Variants in RAVER2 observed in about 807,000 individuals in gnomAD.
The protein encoded by RAVER2 is ribonucleoprotein, PTB binding 2, also known as ribonucleoprotein PTB-binding 2.
Under a neutral mutation model 78.1 loss-of-function variants are expected in RAVER2, and 46 were observed. That is an observed-to-expected ratio of 0.59 (90% CI 0.46 to 0.75). The LOEUF (loss-of-function observed/expected upper bound fraction) is 0.75, where lower values mean the gene tolerates loss of function less well. Ranked by LOEUF, RAVER2 falls within the 30% of genes least tolerant of loss-of-function variation. The probability of loss-of-function intolerance (pLI) is 0.00; values close to 1 mark genes in which losing one functional copy is unlikely to be tolerated. For missense variants in RAVER2, 793 were observed against 837.5 expected (o/e 0.95, Z 0.66); for synonymous variants, 311 against 313.3 (o/e 0.99, Z 0.08).
chr1:64,749,582 T>C (rs1651640504), intron 1 of RAVER2, among the ~76,000 whole-genome samples: 1 of 152,246 alleles, frequency 6.6e-6, no homozygotes, highest in Non-Finnish European at 1.5e-5. Flanking sequence ...CCACTGTGAA[T>C]TGAATATTTA....
chr1:64,796,312 C>A (rs1043468219), intron 5 of RAVER2, among the ~76,000 whole-genome samples: 3 of 151,682 alleles, frequency 2.0e-5, no homozygotes, highest in African/African-American at 7.3e-5. Context: ...GAAAATATTC[C>A]CTCTCTTCAG....
intron 1 of RAVER2, among the ~76,000 whole-genome samples, chr1:64,755,733 T>G (rs949148528): frequency 1.4e-5 from 2 of 141,916 alleles, no homozygotes; most frequent in African/African-American, 2.6e-5. Context: ...AGTTTTTTTT[T>G]TTTTTTTTTT....
rs906189684 is a variant in RAVER2, at chr1:64,828,689, TAAA to T, written c.1930-2147_1930-2145del. 2.2e-4 allele frequency among the ~76,000 whole-genome samples: 34 copies of T among 152,170 alleles called. 1 individual carries two copies. Among genetic ancestry groups the T allele is most frequent in the African/African-American group, 7.9e-4 (33 of 41,540 alleles). On this transcript the variant is annotated intron_variant, in intron 11 of 11. Coordinates refer to ENST00000294428, the Ensembl canonical transcript of RAVER2. Reference sequence around the variant, plus strand: ...TTAAGGTTTAAATTTTTAATTGTGATAAAAACATAAAATTACTATTAAATATTT... The same window carrying T: ...TTAAGGTTTAAATTTTTAATTGTGATAACATAAAATTACTATTAAATATTT...
At chr1:64,766,989 T>C (rs1652191217) in intron 1 of RAVER2, among the ~76,000 whole-genome samples, 1 of 152,162 alleles carries the variant, frequency 6.6e-6, no homozygotes, top group South Asian at 2.1e-4. Context: ...CATAGTACCA[T>C]ATGATTCACC....
intron 4 of RAVER2, among the ~76,000 whole-genome samples, chr1:64,782,717 T>A (rs1049104836): frequency 6.6e-6 from 1 of 152,186 alleles, no homozygotes; most frequent in African/African-American, 2.4e-5. Flanking sequence ...AGTGGTCTGG[T>A]TGCAGAGTGA....
chr1:64,765,410 T>C (rs968042107), intron 1 of RAVER2, among the ~76,000 whole-genome samples: 1 of 152,180 alleles, frequency 6.6e-6, no homozygotes, highest in Non-Finnish European at 1.5e-5. Flanking sequence ...AGTCACAGAA[T>C]GGCATAGCAA....
intron 11 of RAVER2, among the ~76,000 whole-genome samples, chr1:64,825,232 AAATT>A (rs1444533105): frequency 1.3e-5 from 2 of 152,214 alleles, no homozygotes; most frequent in African/African-American, 4.8e-5. Context: ...AATAATGATA[AAATT>A]AATTCATGTT....
At chr1:64,774,526 T>C (rs1268943737) in intron 2 of RAVER2, among the ~76,000 whole-genome samples, 2 of 152,196 alleles carry the variant, frequency 1.3e-5, no homozygotes, top group Non-Finnish European at 2.9e-5. Flanking sequence ...TTCTGTTCCA[T>C]TGGTCTGTGT....
chr1:64,774,244 T>C (rs1286137413), intron 2 of RAVER2, among the ~76,000 whole-genome samples: 1 of 152,222 alleles, frequency 6.6e-6, no homozygotes, highest in Non-Finnish European at 1.5e-5. Flanking sequence ...AGTCATGAAG[T>C]CTTTGCCCAT....
chr1:64,745,438 A>C lies in RAVER2; in HGVS notation c.249+17A>C. ...AACTGCCAGGTACTGGGACGGTGAT[A>C]GGGGCGACGCGTCCCGAGGGGCGGC... On this transcript the variant is annotated intron_variant, in intron 1 of 11. Coordinates refer to ENST00000294428, the Ensembl canonical transcript of RAVER2. This position sits in a 1 kb window ranked among gnomAD's most constrained non-coding sequence, Gnocchi z 4.3. The C allele has an allele frequency of 6.6e-7, 1 of 1,510,032 alleles. No homozygotes were observed. The highest frequency in any genetic ancestry group is 2.3e-4 in the Middle Eastern group (1 of 4,430). The allele number at this position is 1,510,032 out of a possible 1,614,324, so 93.5% of individuals were successfully genotyped here. A position where few individuals can be genotyped will look rare whatever the true frequency, so the allele number is the denominator to read the frequency against.
At position 64,797,853 on chromosome 1, in the gene RAVER2, A is replaced by G. The variant is rs139638919; in HGVS notation, c.1106-5123A>G. On this transcript the variant is annotated intron_variant, in intron 5 of 11. Coordinates refer to ENST00000294428, the Ensembl canonical transcript of RAVER2. ...TATTATCTTGGAAAATCCTTTTCTG[A>G]TATTTGCAGTATTACTACTGGCTAC... Among the ~76,000 whole-genome samples, 63 of 150,298 alleles carry G rather than the reference A, an allele frequency of 4.2e-4. 1 individual carries two copies. In the East Asian group the frequency reaches 0.012, roughly 29 times the overall value.
intron 1 of RAVER2, among the ~76,000 whole-genome samples, chr1:64,759,004 A>G (rs6661723): frequency 0.12 from 18,706 of 151,416 alleles, 1,349 homozygotes; most frequent in East Asian, 0.28. Context: ...CTATCTCTTG[A>G]AGATTAAAGC....
intron 9 of RAVER2, among the ~76,000 whole-genome samples, chr1:64,810,151 A>C (rs1653564805): frequency 6.6e-6 from 1 of 152,210 alleles, no homozygotes; most frequent in African/African-American, 2.4e-5. Context: ...TGGAACTGTC[A>C]TCCTTTTTTC....
chr1:64,775,155 G>A (rs954699890), intron 2 of RAVER2, among the ~76,000 whole-genome samples: 2 of 152,124 alleles, frequency 1.3e-5, no homozygotes, highest in Admixed American at 6.5e-5. Flanking sequence ...TTTCCTAATC[G>A]TTTTGTTTTT....
chr1:64,777,737 T>G (rs761687344), exon 3 of RAVER2: 5 of 1,614,022 alleles, frequency 3.1e-6, no homozygotes, highest in Non-Finnish European at 4.2e-6. Flanking sequence ...GATGCTTTGT[T>G]GTGTATTACC....
At chr1:64,752,042 A>AT (rs1379386785) in intron 1 of RAVER2, among the ~76,000 whole-genome samples, 1 of 152,120 alleles carries the variant, frequency 6.6e-6, no homozygotes, top group Non-Finnish European at 1.5e-5. Context: ...AGTACTGTAT[A>AT]TTTTTTGGCT....
chr1:64,778,037 A>C (rs1308048559), exon 3 of RAVER2: 1 of 1,614,006 alleles, frequency 6.2e-7, no homozygotes, highest in African/African-American at 1.3e-5. Flanking sequence ...GACTACAGGG[A>C]TTCAGAAGAG....
exon 7 of RAVER2, chr1:64,804,823 T>C (rs1653367111): frequency 2.6e-6 from 4 of 1,549,458 alleles, no homozygotes; most frequent in Non-Finnish European, 3.6e-6. Flanking sequence ...AGTTTGAGAA[T>C]ATTCATACTA....
At chr1:64,752,438 T>A (rs1345622534) in intron 1 of RAVER2, among the ~76,000 whole-genome samples, 1 of 152,202 alleles carries the variant, frequency 6.6e-6, no homozygotes, top group Non-Finnish European at 1.5e-5. Flanking sequence ...AGCCTAGGAT[T>A]TCTTCAAATC....
Sources: allele counts gnomAD v4.1 joint callset (sites outside exome capture counted in the v4.1 genomes callset), GRCh38; gene constraint gnomAD v4.1.1; non-coding constraint Gnocchi (gnomAD v3.1); transcripts MANE v1.5; gene names NCBI Gene and HGNC (gene_info 2026-07-23, HGNC 2026-07-21).